The following SCAMP2 variants were observed in gnomAD, a reference collection of about 807,000 sequenced individuals.
SCAMP2 encodes secretory carrier-associated membrane protein 2.
SCAMP2 carries 25 observed loss-of-function variants against 44.1 expected under a neutral mutation model. That is an observed-to-expected ratio of 0.57 (90% confidence interval 0.41 to 0.79). SCAMP2 has a LOEUF of 0.79. Ranked by LOEUF, SCAMP2 falls within the 30% of genes least tolerant of loss-of-function variation. SCAMP2 has a pLI of 0.00. For synonymous variants in SCAMP2, 156 were observed against 166.0 expected (o/e 0.94, Z 0.46); for missense variants, 355 against 411.0 (o/e 0.86, Z 1.18).
chr15:74,851,150 G>A (rs76731439), intron 5 of SCAMP2, among the ~76,000 whole-genome samples: 3,443 of 152,176 alleles, frequency 0.023, 95 homozygotes, highest in Admixed American at 0.059. Context: ...CCTGATCGGT[G>A]GTCTGGACTG....
chr15:74,849,918 G>A (rs1478599590), intron 6 of SCAMP2, among the ~76,000 whole-genome samples: 2 of 152,218 alleles, frequency 1.3e-5, no homozygotes, highest in Non-Finnish European at 2.9e-5. Context: ...AGATCACAGT[G>A]AGGGTTCAGG....
rs765652046 is a variant in SCAMP2 at position 74,852,121 on chromosome 15, G to C, written c.291C>G (p.Ala97=). ...RQQEELDRKA[A]ELERKERELQ... is the part of the protein sequence containing the mutation. ...GCTCCCGCTCCTTGCGTTCCAGCTC[G>C]GCAGCTTTCCTGTCCAGTTCTTCCT... The change falls in exon 4 of 9, where the codon GCC becomes GCG. Residue 97 remains alanine, a synonymous_variant. Transcript: ENST00000268099. The C allele has an allele frequency of 1.3e-6, 2 of 1,592,072 alleles. No individual in the cohort carries two copies. Among genetic ancestry groups the C allele is most frequent in the Non-Finnish European group, 1.7e-6 (2 of 1,169,456 alleles).
chr15:74,846,539 G>A (rs2064401096), intron 7 of SCAMP2, among the ~76,000 whole-genome samples: 1 of 152,196 alleles, frequency 6.6e-6, no homozygotes, highest in South Asian at 2.1e-4. Context: ...CAAGATGGGC[G>A]GATCACGAGG....
intron 1 of SCAMP2, among the ~76,000 whole-genome samples, chr15:74,857,303 G>A (rs1040056226): frequency 2.6e-5 from 4 of 152,236 alleles, no homozygotes; most frequent in Non-Finnish European, 5.9e-5. Flanking sequence ...AAAGTGACAA[G>A]GTGAAGTTCA....
At chr15:74,868,789 C>T (rs2141182958) in intron 1 of SCAMP2, among the ~76,000 whole-genome samples, 1 of 152,322 alleles carries the variant, frequency 6.6e-6, no homozygotes, top group African/African-American at 2.4e-5. Flanking sequence ...AGTGATCCAC[C>T]TGCCTTGGCC....
chr15:74,854,643 A>G lies in SCAMP2; in HGVS notation c.64T>C (p.Ser22Pro). The G allele has an allele frequency of 6.2e-7, 1 of 1,608,664 alleles. No homozygotes were observed. Among genetic ancestry groups the G allele is most frequent in the Non-Finnish European group, 8.5e-7 (1 of 1,177,594 alleles). Residue 22 changes from serine (S) to proline (P), a missense_variant, in exon 2 of 9, where the codon TCT (serine) becomes CCT (proline). Transcript: ENST00000268099. ...PVDVNPFQDP[S>P]VTQLTNAPQG... ...GGGGCGTTGGTCAGCTGGGTCACAGAGGGATCCTGAGAAGGTGAAAAAAAG... is the reference window on the plus strand; with the variant it reads ...GGGGCGTTGGTCAGCTGGGTCACAGGGGGATCCTGAGAAGGTGAAAAAAAG...
intron 4 of SCAMP2, among the ~76,000 whole-genome samples, chr15:74,851,691 A>G (rs1243997571): frequency 6.6e-6 from 1 of 152,092 alleles, no homozygotes; most frequent in Non-Finnish European, 1.5e-5. Context: ...GAGATAAAAG[A>G]CCCCAAATGC....
chr15:74,872,502 C>T (rs1241616781), intron 1 of SCAMP2, among the ~76,000 whole-genome samples: 2 of 152,176 alleles, frequency 1.3e-5, no homozygotes, highest in African/African-American at 4.8e-5. Flanking sequence ...CAAACGTTCC[C>T]TGTGGGTCCA....
Position 74,848,635 on chromosome 15 carries a change from G to A in SCAMP2, c.699C>T (p.Ile233=), listed in dbSNP as rs1270245950. Residue 233 remains isoleucine (I), a synonymous_variant, in exon 7 of 9, where the codon ATC becomes ATT. Transcript: ENST00000268099. The stretch of plus-strand genomic sequence containing the variant: ...GGCCAGGGATGCCAACCAACTGGAT[G>A]ATGTAGATCCCTATTTGACAAAAAA... The part of the protein sequence containing the change: ...FVFFCQIGIY[I]IQLVGIPGLG... The A allele has an allele frequency of 1.9e-6, 3 of 1,613,366 alleles. No homozygotes were observed. The highest frequency in any genetic ancestry group is 2.2e-5 in the South Asian group (2 of 91,072).
rs1389690168 is a variant in SCAMP2 at position 74,857,760 on chromosome 15, G to A, written c.58-3111C>T. ...AAGACATGGCCTTGGACTCCTCACC[G>A]GGCTCCTCATAAACAAATCTGATCT... On this transcript the variant is annotated intron_variant, in intron 1 of 8. Coordinates refer to ENST00000268099, the MANE Select transcript of SCAMP2 (RefSeq NM_005697.5). 4.6e-5 allele frequency among the ~76,000 whole-genome samples: 7 copies of A among 152,204 alleles called. No individual in the cohort carries two copies. The East Asian group carries it at 7.7e-4, about 17-fold the overall frequency.
At chr15:74,846,353 G>A (rs1224733567) in intron 7 of SCAMP2, among the ~76,000 whole-genome samples, 2 of 151,404 alleles carry the variant, frequency 1.3e-5, no homozygotes, top group Middle Eastern at 6.4e-3. Context: ...GCTGAGGTAG[G>A]AGGATCACTT....
chr15:74,869,027 G>C (rs1167595708), intron 1 of SCAMP2, among the ~76,000 whole-genome samples: 1 of 152,106 alleles, frequency 6.6e-6, no homozygotes, highest in Non-Finnish European at 1.5e-5. Context: ...GGTGGTGGGT[G>C]CCTGTAATCC....
intron 1 of SCAMP2, among the ~76,000 whole-genome samples, chr15:74,855,879 T>A (rs891674826): frequency 3.3e-5 from 5 of 152,152 alleles, no homozygotes; most frequent in Non-Finnish European, 5.9e-5. Flanking sequence ...GGGGGTTTTT[T>A]AAAGTCTTTT....
intron 8 of SCAMP2, 69 bp from the exon 9 acceptor site, chr15:74,845,286 A>T (rs778346051): frequency 1.3e-6 from 2 of 1,594,272 alleles, no homozygotes; most frequent in Non-Finnish European, 1.7e-6. Context: ...CATCCAGGTT[A>T]TACTCCCAAA....
At chr15:74,851,264 A>G (rs891773816) in intron 5 of SCAMP2, 89 bp downstream of exon 5, 13 of 1,461,162 alleles carry the variant, frequency 8.9e-6, no homozygotes, top group South Asian at 6.2e-5. Flanking sequence ...GAAAGCCTGT[A>G]TACCAGGGAG....
chr15:74,848,442 G>A (rs376155190), intron 7 of SCAMP2, 158 bp downstream of exon 7: 7 of 539,626 alleles, frequency 1.3e-5, no homozygotes, highest in African/African-American at 7.7e-5. Flanking sequence ...AAGAACTGGA[G>A]AGAAGGCCCA....
At chr15:74,868,757 C>A (rs2064558303) in intron 1 of SCAMP2, among the ~76,000 whole-genome samples, 1 of 152,092 alleles carries the variant, frequency 6.6e-6, no homozygotes. Context: ...TTGCCTAGGC[C>A]ATTCTCAAAC....
At position 74,850,535 on chromosome 15, in the gene SCAMP2, C is replaced by A; in HGVS notation, c.611G>T (p.Arg204Leu). ...FTPCAFLCWY[R>L]PIYKAFRSDN... ...TCACCTAAAGGCCTTATAGATGGGT[C>A]GGTACCAACAAAGGAAGGCACAGGG... Residue 204 changes from arginine (R) to leucine (L), a missense_variant, in exon 6 of 9, where the codon CGA becomes CTA. Physicochemically the swap from Arg to Leu is moderately radical, Grantham distance 102. Coordinates refer to ENST00000268099, the MANE Select transcript of SCAMP2 (RefSeq NM_005697.5). 6.2e-7 allele frequency: 1 copy of A among 1,613,960 alleles called. No homozygotes were observed. Among genetic ancestry groups the A allele is most frequent in the South Asian group, 1.1e-5 (1 of 91,028 alleles).
rs564521289 is a variant in SCAMP2, at chr15:74,873,326, C to G, written c.-71G>C. ...CGGGCACCCAGACCCAGCGGCGCTT[C>G]GTGTAGACCCTCCACTTCCGGGAGC... On this transcript the variant is annotated 5_prime_UTR_variant, in exon 1 of 9. Coordinates refer to ENST00000268099, the MANE Select transcript of SCAMP2 (RefSeq NM_005697.5). 2 of 1,327,386 alleles carry G rather than the reference C, an allele frequency of 1.5e-6. No individual in the cohort carries two copies. The highest frequency in any genetic ancestry group is 1.6e-5 in the African/African-American group (1 of 63,130). 82.2% of individuals were successfully genotyped at this position (1,327,386 alleles called of 1,614,324 possible). A position where few individuals can be genotyped will look rare whatever the true frequency, so the allele number is the denominator to read the frequency against.
Sources: gnomAD v4.1 joint callset for allele counts (sites outside exome capture counted in the v4.1 genomes callset) on GRCh38, gnomAD v4.1.1 for gene constraint, MANE v1.5 for transcripts, NCBI Gene and HGNC (gene_info 2026-07-23, HGNC 2026-07-21) for gene names.